TAF1: variants seen among roughly 807,000 people sequenced by gnomAD.
The protein encoded by TAF1 is transcription initiation factor TFIID subunit 1.
In TAF1, 2 loss-of-function variants were observed where a neutral mutation model predicts 138.5. That is an observed-to-expected ratio of 0.01 (90% confidence interval 0.01 to 0.05). The LOEUF is 0.05. Ranked by LOEUF, TAF1 falls within the 10% of genes least tolerant of loss-of-function variation. The pLI, the probability that TAF1 is intolerant of heterozygous loss-of-function variation, is 1.00. For missense variants in TAF1, 709 were observed against 1,478.0 expected (o/e 0.48, Z 8.53); for synonymous variants, 437 against 503.2 (o/e 0.87, Z 1.76).
intron 13 of TAF1, among the ~76,000 whole-genome samples, chrX:71,489,825 C>T (rs1380230819): frequency 8.9e-6 from 1 of 112,061 alleles, no homozygotes; most frequent in Non-Finnish European, 1.9e-5. Flanking sequence ...GCAGTAGCAT[C>T]AGAGAATTAC....
In TAF1 at chrX:71,407,770, AC is replaced by A. The variant is rs746550172; in HGVS notation, c.4206+99del. On this transcript the variant is annotated intron_variant, in intron 27 of 37. Coordinates refer to ENST00000423759, the MANE Select transcript of TAF1 (RefSeq NM_004606.5). Reference sequence around the variant, plus strand: ...GGGCAGTAATCTGTAGATTTAGGTAACTGGAATGCCTAATTTTTAGGGAGTT... The same window carrying A: ...GGGCAGTAATCTGTAGATTTAGGTAATGGAATGCCTAATTTTTAGGGAGTT... The A allele has an allele frequency of 1.2e-5, 12 of 1,000,453 alleles. No individual in the cohort carries two copies. In the East Asian group the frequency reaches 3.7e-4, roughly 31 times the overall value. The allele number at this position is 1,000,453 out of a possible 1,213,427, so 82.4% of individuals were successfully genotyped here. A position where few individuals can be genotyped will look rare whatever the true frequency, so the allele number is the denominator to read the frequency against.
At chrX:71,523,181 A>G (rs1215220671) in intron 13 of TAF1, among the ~76,000 whole-genome samples, 1 of 72,681 alleles carries the variant, frequency 1.4e-5, no homozygotes, top group Non-Finnish European at 2.5e-5. Context: ...ACTCCCTCTC[A>G]AAAAAAAAAA....
chrX:71,384,881 A>G (rs1009329611), intron 13 of TAF1, 64 bp from the exon 14 acceptor site: 195 of 845,144 alleles, frequency 2.3e-4, no homozygotes, highest in Admixed American at 1.4e-3. Context: ...GTAAAGTGCT[A>G]TGGTCATATT....
chrX:71,429,402 G>A (rs2036766709), intron 32 of TAF1, among the ~76,000 whole-genome samples: 1 of 111,638 alleles, frequency 9.0e-6, no homozygotes, highest in Non-Finnish European at 1.9e-5. Flanking sequence ...TAGTCAAGTG[G>A]AAAATGGTGG....
intron 14 of TAF1, among the ~76,000 whole-genome samples, chrX:71,529,110 C>T (rs2040056072): frequency 9.4e-6 from 1 of 106,540 alleles, no homozygotes; most frequent in Non-Finnish European, 1.9e-5. Flanking sequence ...CTCGCTCTGT[C>T]GCCCAGGCTG....
At chrX:71,428,539 G>A (rs923606812) in intron 32 of TAF1, among the ~76,000 whole-genome samples, 1 of 111,574 alleles carries the variant, frequency 9.0e-6, no homozygotes, top group South Asian at 3.7e-4. Context: ...CCTTCAAGAG[G>A]GTTGTTTTGA....
intron 13 of TAF1, among the ~76,000 whole-genome samples, chrX:71,479,976 G>A (rs181996264): frequency 2.7e-5 from 3 of 111,850 alleles, no homozygotes; most frequent in Admixed American, 9.6e-5. Flanking sequence ...TGTAATCCCA[G>A]CACTTTGGGA....
At chrX:71,383,914 A>G in intron 12 of TAF1, 48 bp from the exon 13 acceptor site, 1 of 1,154,152 alleles carries the variant, frequency 8.7e-7, no homozygotes, top group Non-Finnish European at 1.2e-6. Flanking sequence ...CATTGTGTGT[A>G]GTAGTGTCCT....
chrX:71,486,802 T>C (rs752995224), intron 13 of TAF1, among the ~76,000 whole-genome samples: 2 of 111,360 alleles, frequency 1.8e-5, no homozygotes, highest in Non-Finnish European at 1.9e-5. Context: ...ATAATCCTTC[T>C]TATTTCTGTA....
intron 17 of TAF1, 85 bp downstream of exon 17, chrX:71,388,953 T>C (rs2034403046): frequency 7.5e-6 from 8 of 1,065,109 alleles, no homozygotes; most frequent in Non-Finnish European, 1.0e-5. Flanking sequence ...AGAGAGAAGA[T>C]TCTTTCTCTG....
chrX:71,380,518 C>T (rs2033810648), intron 8 of TAF1, among the ~76,000 whole-genome samples: 1 of 110,936 alleles, frequency 9.0e-6, no homozygotes, highest in Non-Finnish European at 1.9e-5. Context: ...CTGCCTCAGC[C>T]TCCCGAGTAG....
intron 13 of TAF1, among the ~76,000 whole-genome samples, chrX:71,485,520 G>A (rs1261918463): frequency 8.9e-6 from 1 of 111,866 alleles, no homozygotes; most frequent in East Asian, 2.8e-4. Flanking sequence ...ACGTGCAGGC[G>A]TATGTTTTAT....
intron 13 of TAF1, among the ~76,000 whole-genome samples, chrX:71,498,344 G>C (rs191237647): frequency 1.1e-4 from 12 of 111,796 alleles, no homozygotes; most frequent in African/African-American, 3.9e-4. Context: ...GTATTTGAGA[G>C]AGCAGGGTAT....
chrX:71,388,797 A>T lies in TAF1; in HGVS notation c.2629A>T (p.Ile877Phe). 8.3e-7 allele frequency: 1 copy of T among 1,212,012 alleles called. No individual in the cohort carries two copies. Among genetic ancestry groups the T allele is most frequent in the Admixed American group, 2.2e-5 (1 of 46,045 alleles). The change falls in exon 17 of 38, where the codon ATC becomes TTC. Residue 877 changes from isoleucine (I) to phenylalanine (F), a missense_variant. By Grantham distance (21) the Ile-to-Phe change is conservative. Transcript: ENST00000423759. ...SDFRLPTEEE[I>F]RAMVSPEQCC... ...TTTTCGTTTACCAACGGAAGAAGAG[A>T]TCAGAGCTATGGTGTCACCAGAGCA...
intron 6 of TAF1, 92 bp from the exon 7 acceptor site, chrX:71,378,143 C>G (rs1212312949): frequency 1.1e-6 from 1 of 913,600 alleles, no homozygotes; most frequent in African/African-American, 2.0e-5. Flanking sequence ...CTCAGTTTCT[C>G]TAAGTTCCCC....
At chrX:71,378,672 G>A (rs2033652661) in intron 7 of TAF1, 152 bp from the exon 8 acceptor site, 1 of 696,997 alleles carries the variant, frequency 1.4e-6, no homozygotes, top group Non-Finnish European at 2.2e-6. Flanking sequence ...GACTAGGAGT[G>A]GGAAGAGGCA....
intron 13 of TAF1, among the ~76,000 whole-genome samples, chrX:71,527,386 CAAAAAAA>C (rs397952861): frequency 2.3e-5 from 1 of 43,503 alleles, no homozygotes; most frequent in Non-Finnish European, 4.8e-5. Context: ...AACTCCGTCT[CAAAAAAA>C]AAAAAAAAAA....
At chrX:71,408,410 C>CA (rs1474235970) in intron 28 of TAF1, among the ~76,000 whole-genome samples, 3 of 110,661 alleles carry the variant, frequency 2.7e-5, no homozygotes, top group Non-Finnish European at 5.7e-5. Context: ...CTCCGCCTCT[C>CA]GGTTCAAGCG....
chrX:71,442,583 T>A lies in TAF1; in HGVS notation c.4754-11587T>A, dbSNP rs777783704. On this transcript the variant is annotated intron_variant, in intron 32 of 37. Transcript: ENST00000423759. The stretch of plus-strand genomic sequence containing the variant: ...TTAGCTCTTTGTCAGATGGGTAGAT[T>A]GCAAAAATTTTCTCCCATTCTGTAG... Among the ~76,000 whole-genome samples, 3 of 112,253 alleles carry A rather than the reference T, an allele frequency of 2.7e-5. No individual in the cohort carries two copies. In the East Asian group the frequency reaches 8.3e-4, roughly 31 times the overall value.
Sources: gnomAD v4.1 joint callset for allele counts (sites outside exome capture counted in the v4.1 genomes callset) on GRCh38, gnomAD v4.1.1 for gene constraint, MANE v1.5 for transcripts, NCBI Gene and HGNC (gene_info 2026-07-23, HGNC 2026-07-21) for gene names.